The following LINGO2 variants were observed in gnomAD, a reference collection of about 807,000 sequenced individuals.
LINGO2 encodes the protein leucine rich repeat and Ig domain containing 2, also known as leucine-rich repeat and immunoglobulin-like domain-containing nogo receptor-interacting protein 2.
LINGO2 carries 14 observed loss-of-function variants against 30.6 expected under a neutral mutation model. The ratio of observed to expected loss-of-function variants is 0.46; its 90% CI spans 0.30 to 0.72. The LOEUF (loss-of-function observed/expected upper bound fraction) is 0.72. LINGO2 is among the 30% of genes least tolerant of loss of function. The pLI, the probability that LINGO2 is intolerant of heterozygous loss-of-function variation, is 0.07. For missense variants in LINGO2, 729 were observed against 751.7 expected (o/e 0.97, Z 0.35); for synonymous variants, 317 against 288.5 (o/e 1.10, Z -1.00).
chr9:28,652,616 A>T (rs149860724), intron 1 of LINGO2, among the ~76,000 whole-genome samples: 1 of 152,148 alleles, frequency 6.6e-6, no homozygotes, highest in East Asian at 1.9e-4. Flanking sequence ...TTAAGAAACT[A>T]ATAAGCATAC....
chr9:28,992,744 C>A, the LINGO2 span, among the ~76,000 whole-genome samples: 2 of 152,084 alleles, frequency 1.3e-5, no homozygotes, highest in Non-Finnish European at 2.9e-5. Flanking sequence ...GGAAACTGAA[C>A]AACCTGCTCC....
intron 2 of LINGO2, among the ~76,000 whole-genome samples, chr9:28,407,931 A>G (rs1822580725): frequency 6.6e-6 from 1 of 152,136 alleles, no homozygotes; most frequent in African/African-American, 2.4e-5. Flanking sequence ...TGTGCATTTG[A>G]AATAGTGTAC....
chr9:29,022,800 T>A, the LINGO2 span, among the ~76,000 whole-genome samples: 1 of 152,148 alleles, frequency 6.6e-6, no homozygotes, highest in Non-Finnish European at 1.5e-5. Flanking sequence ...TCCCTTGTGA[T>A]ATAACAGCAC....
chr9:29,058,391 C>T, the LINGO2 span, among the ~76,000 whole-genome samples: 2 of 151,664 alleles, frequency 1.3e-5, no homozygotes, highest in African/African-American at 4.8e-5. Context: ...TAGAAGATAT[C>T]CAAATTGAAT....
the LINGO2 span, among the ~76,000 whole-genome samples, chr9:28,898,903 AT>A: frequency 5.3e-5 from 8 of 152,014 alleles, no homozygotes; most frequent in Admixed American, 2.0e-4. Context: ...AAATGTGCAC[AT>A]GTATCCCTGA....
chr9:29,071,594 A>G, the LINGO2 span, among the ~76,000 whole-genome samples: 1 of 150,628 alleles, frequency 6.6e-6, no homozygotes, highest in African/African-American at 2.4e-5. Context: ...AAACAGAACA[A>G]TTTAAGCACT....
chr9:28,037,004 G>A (rs1171598828), intron 4 of LINGO2, among the ~76,000 whole-genome samples: 1 of 152,198 alleles, frequency 6.6e-6, no homozygotes, highest in Non-Finnish European at 1.5e-5. Flanking sequence ...TACACATTAA[G>A]GGCTCTGCAC....
intron 3 of LINGO2, among the ~76,000 whole-genome samples, chr9:28,330,102 T>G (rs1825367750): frequency 6.6e-6 from 1 of 152,102 alleles, no homozygotes; most frequent in Non-Finnish European, 1.5e-5. Context: ...AGTAACTTTA[T>G]AAGAACGAAC....
intron 1 of LINGO2, among the ~76,000 whole-genome samples, chr9:28,536,011 T>C (rs563323338): frequency 6.6e-6 from 1 of 152,298 alleles, no homozygotes; most frequent in East Asian, 1.9e-4. Context: ...TGAAGTTTTA[T>C]TTTATTATTT....
At chr9:28,278,253 A>G (rs10968431) in intron 4 of LINGO2, among the ~76,000 whole-genome samples, 5,836 of 152,324 alleles carry the variant, frequency 0.038, 357 homozygotes, top group African/African-American at 0.13. Context: ...AAGATGAAGC[A>G]GCAAGGGCTA....
At chr9:28,963,985 T>C in the LINGO2 span, among the ~76,000 whole-genome samples, 1 of 151,800 alleles carries the variant, frequency 6.6e-6, no homozygotes, top group Admixed American at 6.6e-5. Context: ...ATCCCAAATA[T>C]CCAGATTTGA....
the LINGO2 span, among the ~76,000 whole-genome samples, chr9:29,055,938 G>GTATATATATATA: frequency 8.5e-4 from 85 of 99,874 alleles, 1 homozygote; most frequent in African/African-American, 2.2e-3. Flanking sequence ...GTATGTGTGT[G>GTATATATATATA]TGTATATATA....
chr9:28,310,395 T>C (rs150890229), intron 3 of LINGO2, among the ~76,000 whole-genome samples: 4,771 of 152,250 alleles, frequency 0.031, 146 homozygotes, highest in South Asian at 0.095. Context: ...AATACATCAA[T>C]GAATCACAAA....
chr9:28,670,824 G>T (rs1563905661), upstream of LINGO2, among the ~76,000 whole-genome samples: 2 of 151,988 alleles, frequency 1.3e-5, no homozygotes, highest in Non-Finnish European at 2.9e-5. Context: ...CAAATGAATG[G>T]CTATCATTTC....
the LINGO2 span, among the ~76,000 whole-genome samples, chr9:28,762,258 C>G: frequency 1.3e-5 from 2 of 151,756 alleles, no homozygotes; most frequent in African/African-American, 4.9e-5. Context: ...GCTGTTATAA[C>G]TTTAGTGTCA....
chr9:29,085,997 T>C, the LINGO2 span, among the ~76,000 whole-genome samples: 1 of 152,130 alleles, frequency 6.6e-6, no homozygotes, highest in East Asian at 1.9e-4. Flanking sequence ...TTGTACTTGC[T>C]TGTTTTTCTG....
At chr9:28,442,039 A>G (rs1824219168) in intron 2 of LINGO2, among the ~76,000 whole-genome samples, 1 of 150,784 alleles carries the variant, frequency 6.6e-6, no homozygotes, top group African/African-American at 2.4e-5. Context: ...TGTATTTGCA[A>G]CGTATATTTT....
chr9:28,625,655 AT>A (rs796241629), intron 1 of LINGO2, among the ~76,000 whole-genome samples: 24 of 152,058 alleles, frequency 1.6e-4, no homozygotes, highest in African/African-American at 5.5e-4. Flanking sequence ...AGGTATGCCC[AT>A]TTTTTTCCTT....
intron 4 of LINGO2, among the ~76,000 whole-genome samples, chr9:28,047,446 A>G (rs1304601300): frequency 6.6e-6 from 1 of 151,424 alleles, no homozygotes; most frequent in Non-Finnish European, 1.5e-5. Context: ...TATTAACTAT[A>G]GCACAGTAAC....
Sources: gnomAD v4.1 joint callset for allele counts (sites outside exome capture counted in the v4.1 genomes callset) on GRCh38, gnomAD v4.1.1 for gene constraint, MANE v1.5 for transcripts, NCBI Gene and HGNC (gene_info 2026-07-23, HGNC 2026-07-21) for gene names.